Variants in CELF2 observed in about 807,000 individuals in gnomAD.
The protein encoded by CELF2 is CUGBP Elav-like family member 2, also known as CUG triplet repeat RNA-binding protein 2.
Under a neutral mutation model 62.6 loss-of-function variants are expected in CELF2, and 8 were observed. The ratio of observed to expected loss-of-function variants is 0.13; its 90% confidence interval spans 0.07 to 0.23. The LOEUF (loss-of-function observed/expected upper bound fraction) is 0.23. Among genes scored for constraint, CELF2 ranks in the 10% least tolerant of loss-of-function variants. CELF2 has a pLI of 1.00. For synonymous variants in CELF2, 258 were observed against 250.0 expected (o/e 1.03, Z -0.30); for missense variants, 333 against 671.0 (o/e 0.50, Z 5.56).
chr10:10,518,898 T>C, the CELF2 span, among the ~76,000 whole-genome samples: 1 of 152,152 alleles, frequency 6.6e-6, no homozygotes, highest in Admixed American at 6.5e-5. Flanking sequence ...GGAGCTGAGG[T>C]GAGCCCAGTG....
Position 11,177,154 on chromosome 10 carries a change from A to G in CELF2, c.271+11472A>G, listed in dbSNP as rs933776978. Among the ~76,000 whole-genome samples, 2 of 152,206 alleles carry G rather than the reference A, an allele frequency of 1.3e-5. No individual in the cohort carries two copies. The highest frequency in any genetic ancestry group is 2.9e-5 in the Non-Finnish European group (2 of 68,034). On this transcript the variant is annotated intron_variant, in intron 2 of 12. Coordinates refer to ENST00000633077, the MANE Select transcript of CELF2 (RefSeq NM_001326342.2). The surrounding 1 kb of genome is among the most constrained non-coding windows in gnomAD (Gnocchi z 4.8). ...AGTAAACATGTTAATACTAGCTTTC[A>G]TAAATCCCCCTCTCTAAAAAACACC...
chr10:10,832,278 AT>A (rs1425605580), intron 1 of CELF2, among the ~76,000 whole-genome samples: 1 of 151,662 alleles, frequency 6.6e-6, no homozygotes, highest in Non-Finnish European at 1.5e-5. Context: ...AAAAAAAAAA[AT>A]AAAAATAAAT....
At chr10:11,281,104 A>T (rs1292299629) in intron 8 of CELF2, among the ~76,000 whole-genome samples, 2 of 151,630 alleles carry the variant, frequency 1.3e-5, no homozygotes, top group East Asian at 3.9e-4. Context: ...CTGATGGCCC[A>T]AGTCACTGCC....
chr10:10,927,344 A>AT (rs2065583551), intron 2 of CELF2: 4 of 94,438 alleles, frequency 4.2e-5, no homozygotes, highest in South Asian at 1.1e-3. Context: ...ACCTAGTGAC[A>AT]TTAAAAAAAA....
rs1291547299 is a variant in CELF2 at position 11,314,157 on chromosome 10, A to G, written c.995A>G (p.Asn332Ser). ...TTTTCAGTGGCTGCTTCAACCCCCA[A>G]CTCCACTGCTGGTGCAGCCATGAAC... ...LTSPVAASTPNSTAGAAMNSL... is the reference protein window; with the variant it reads ...LTSPVAASTPSSTAGAAMNSL... The change falls in exon 10 of 13, where the codon AAC (asparagine) becomes AGC (serine). Residue 332 changes from asparagine to serine, a missense_variant. Coordinates refer to ENST00000633077, the MANE Select transcript of CELF2 (RefSeq NM_001326342.2). This position sits in a 1 kb window ranked among gnomAD's most constrained non-coding sequence, Gnocchi z 5.3. 1 of 1,612,556 alleles carries G rather than the reference A, an allele frequency of 6.2e-7. No homozygotes were observed. Among genetic ancestry groups the G allele is most frequent in the African/African-American group, 1.3e-5 (1 of 74,466 alleles).
the CELF2 span, among the ~76,000 whole-genome samples, chr10:10,750,952 C>T: frequency 1.3e-5 from 2 of 152,202 alleles, no homozygotes; most frequent in Non-Finnish European, 2.9e-5. Flanking sequence ...AAATCCAAAT[C>T]CCTTTGTTAA....
At chr10:10,659,937 G>A in the CELF2 span, among the ~76,000 whole-genome samples, 2 of 152,216 alleles carry the variant, frequency 1.3e-5, no homozygotes, top group African/African-American at 4.8e-5. Context: ...AGAGGCACAA[G>A]GGTCAGAGAG....
At chr10:11,221,314 A>G (rs193297952) in intron 3 of CELF2, among the ~76,000 whole-genome samples, 1 of 152,346 alleles carries the variant, frequency 6.6e-6, no homozygotes, top group Admixed American at 6.5e-5. Context: ...AAATGTCATT[A>G]TCTACCATTG....
chr10:10,983,297 A>G lies in CELF2; in HGVS notation c.89+63298A>G, dbSNP rs2052364416. 6.6e-6 allele frequency among the ~76,000 whole-genome samples: 1 copy of G among 152,182 alleles called. No homozygotes were observed. Among genetic ancestry groups the G allele is most frequent in the Non-Finnish European group, 1.5e-5 (1 of 68,028 alleles). On this transcript the variant is annotated intron_variant, in intron 2 of 13. Transcript: ENST00000636488. The surrounding 1 kb of genome is among the most constrained non-coding windows in gnomAD (Gnocchi z 5.2). Reference sequence around the variant, plus strand: ...CATTATTTATACACATTTTAGTAAAACTAGCTGAGGGTGCTTGGGGGTAGG... The same window carrying G: ...CATTATTTATACACATTTTAGTAAAGCTAGCTGAGGGTGCTTGGGGGTAGG...
At chr10:11,108,062 T>A (rs2142997251) in intron 1 of CELF2, among the ~76,000 whole-genome samples, 1 of 4,708 alleles carries the variant, frequency 2.1e-4, no homozygotes, top group African/African-American at 8.5e-4. Context: ...CTCTCCCCAC[T>A]CCCTCCCTCT....
chr10:11,280,772 C>T lies in CELF2; in HGVS notation c.841+5652C>T, dbSNP rs1590509592. Among the ~76,000 whole-genome samples the T allele has an allele frequency of 6.6e-6, 1 of 152,272 alleles. No homozygotes were observed. The highest frequency in any genetic ancestry group is 2.1e-4 in the South Asian group (1 of 4,826). ...CGCTCTGGGTGGGGGAAACGGTGCC[C>T]TCACTGCCCTCCAGCCTCAGTCCTG... On this transcript the variant is annotated intron_variant, in intron 8 of 12. Transcript: ENST00000633077. The surrounding 1 kb of genome is among the most constrained non-coding windows in gnomAD (Gnocchi z 7.6).
chr10:10,635,390 A>T, the CELF2 span, among the ~76,000 whole-genome samples: 1 of 152,174 alleles, frequency 6.6e-6, no homozygotes, highest in Non-Finnish European at 1.5e-5. Flanking sequence ...CCGTGGAAAG[A>T]TTCCATGTAC....
the CELF2 span, among the ~76,000 whole-genome samples, chr10:10,526,261 A>G: frequency 1.3e-5 from 2 of 152,340 alleles, no homozygotes; most frequent in East Asian, 3.9e-4. Context: ...AGGCTGTCAC[A>G]TGAAAAACAA....
At chr10:11,209,761 C>A (rs1340313859) in intron 2 of CELF2, among the ~76,000 whole-genome samples, 3 of 147,168 alleles carry the variant, frequency 2.0e-5, no homozygotes, top group Non-Finnish European at 3.0e-5. Context: ...AAATGCCCCA[C>A]TTAGATCCAC....
rs2093848573 is a variant in CELF2 at position 11,302,427 on chromosome 10, C to T, written c.977-11712C>T. Among the ~76,000 whole-genome samples the T allele has an allele frequency of 6.6e-6, 1 of 152,290 alleles. No individual in the cohort carries two copies. The highest frequency in any genetic ancestry group is 2.4e-5 in the African/African-American group (1 of 41,546). On this transcript the variant is annotated intron_variant, in intron 9 of 12. Transcript: ENST00000633077. This position sits in a 1 kb window ranked among gnomAD's most constrained non-coding sequence, Gnocchi z 5.0. Reference sequence around the variant, plus strand: ...GAGTGAGGGGAGCCCCAGGTGGTGCCGATGCGGGCGAGGCTGTAACTTTAC... The same window carrying T: ...GAGTGAGGGGAGCCCCAGGTGGTGCTGATGCGGGCGAGGCTGTAACTTTAC...
chr10:10,997,343 T>A lies in CELF2; in HGVS notation c.89+77344T>A, dbSNP rs1408041058. 6.6e-6 allele frequency among the ~76,000 whole-genome samples: 1 copy of A among 152,256 alleles called. No individual in the cohort carries two copies. Among genetic ancestry groups the A allele is most frequent in the African/African-American group, 2.4e-5 (1 of 41,476 alleles). ...ATGAAAAAGAGCTATGGATGTGTTA[T>A]GAGAATTTCAAACTCATCTTTCCTA... On this transcript the variant is annotated intron_variant, in intron 2 of 13. Coordinates refer to the CELF2 transcript ENST00000636488. This position sits in a 1 kb window ranked among gnomAD's most constrained non-coding sequence, Gnocchi z 5.3.
Position 11,191,310 on chromosome 10 carries a change from T to C in CELF2, c.271+25628T>C, listed in dbSNP as rs953173567. On this transcript the variant is annotated intron_variant, in intron 2 of 12. Coordinates refer to ENST00000633077, the MANE Select transcript of CELF2 (RefSeq NM_001326342.2). The surrounding 1 kb of genome is among the most constrained non-coding windows in gnomAD (Gnocchi z 4.1). ...GGAGTGGGAGTGTGGGAAGGGGCCA[T>C]GCTCTGTTGATCTCAGCCAGTTGAA... Among the ~76,000 whole-genome samples the C allele has an allele frequency of 5.3e-5, 8 of 152,218 alleles. No individual in the cohort carries two copies. Among genetic ancestry groups the C allele is most frequent in the African/African-American group, 1.9e-4 (8 of 41,462 alleles).
chr10:11,161,126 AG>A (rs1444616618), intron 1 of CELF2, among the ~76,000 whole-genome samples: 1 of 152,256 alleles, frequency 6.6e-6, no homozygotes, highest in Non-Finnish European at 1.5e-5. Context: ...ATAGGGAAGT[AG>A]GTCAGTGCCT....
intron 2 of CELF2, among the ~76,000 whole-genome samples, chr10:10,961,142 G>T (rs1455429836): frequency 6.6e-6 from 1 of 152,096 alleles, no homozygotes; most frequent in Non-Finnish European, 1.5e-5. Context: ...GGCATCTGTT[G>T]TTCTTTTTCC....
Sources: allele counts gnomAD v4.1 joint callset (sites outside exome capture counted in the v4.1 genomes callset), GRCh38; gene constraint gnomAD v4.1.1; non-coding constraint Gnocchi (gnomAD v3.1); transcripts MANE v1.5; gene names NCBI Gene and HGNC (gene_info 2026-07-23, HGNC 2026-07-21).